The following GALNT2 variants were observed in gnomAD, a reference collection of about 807,000 sequenced individuals.
GALNT2 encodes polypeptide N-acetylgalactosaminyltransferase 2.
Under a neutral mutation model 81.4 loss-of-function variants are expected in GALNT2, and 31 were observed. The ratio of observed to expected loss-of-function variants is 0.38; its 90% CI spans 0.29 to 0.51. The LOEUF (loss-of-function observed/expected upper bound fraction) is 0.51. Among genes scored for constraint, GALNT2 ranks in the 20% least tolerant of loss-of-function variants. The pLI is 0.87. For missense variants in GALNT2, 629 were observed against 765.7 expected (o/e 0.82, Z 2.11); for synonymous variants, 303 against 287.4 (o/e 1.05, Z -0.55).
intron 1 of GALNT2, among the ~76,000 whole-genome samples, chr1:230,149,285 G>A (rs748105925): frequency 2.4e-4 from 37 of 152,138 alleles, no homozygotes; most frequent in Non-Finnish European, 3.5e-4. Context: ...TGGAGCGGGT[G>A]GGAGGACATT....
intron 14 of GALNT2, among the ~76,000 whole-genome samples, chr1:230,270,094 G>A (rs183560577): frequency 2.6e-5 from 4 of 152,166 alleles, no homozygotes; most frequent in South Asian, 2.1e-4. Flanking sequence ...CCAGCTACTC[G>A]GGGAGCTGAG....
rs573478928 is a variant in GALNT2, at chr1:230,100,310, CTTTTTTTTTTT to C, written c.126+32920_126+32930del. Among the ~76,000 whole-genome samples the C allele has an allele frequency of 1.7e-4, 15 of 85,780 alleles. 1 individual carries two copies. Among genetic ancestry groups the C allele is most frequent in the Non-Finnish European group, 2.5e-4 (12 of 47,944 alleles). 56.3% of individuals were successfully genotyped at this position (85,780 alleles called of 152,430 possible). ...GGATGCCCAGGGTATCTTTTTATTCCTTTTTTTTTTTTTTTTTTTTTTTTTTGAGATGGAGT... is the reference window on the plus strand; with the variant it reads ...GGATGCCCAGGGTATCTTTTTATTCCTTTTTTTTTTTTTTTGAGATGGAGT... On this transcript the variant is annotated intron_variant, in intron 1 of 15. Transcript: ENST00000366672.
intron 1 of GALNT2, among the ~76,000 whole-genome samples, chr1:230,168,664 G>A (rs1397292995): frequency 6.6e-6 from 1 of 152,176 alleles, no homozygotes; most frequent in Non-Finnish European, 1.5e-5. Context: ...ATAGGATTAT[G>A]CGCACATTTT....
chr1:230,266,350 G>A (rs1666038100), intron 14 of GALNT2, among the ~76,000 whole-genome samples: 1 of 152,160 alleles, frequency 6.6e-6, no homozygotes, highest in Non-Finnish European at 1.5e-5. Context: ...TGGGTGAAAT[G>A]TGAGCTTCAT....
intron 1 of GALNT2, among the ~76,000 whole-genome samples, chr1:230,115,115 C>T (rs1660807545): frequency 6.6e-6 from 1 of 151,186 alleles, no homozygotes; most frequent in Non-Finnish European, 1.5e-5. Context: ...AAGCGATTCT[C>T]CTGCCTCAGC....
chr1:230,149,948 C>T (rs1262590815), intron 1 of GALNT2, among the ~76,000 whole-genome samples: 3 of 152,208 alleles, frequency 2.0e-5, no homozygotes, highest in Non-Finnish European at 2.9e-5. Context: ...TGGGGTGCCT[C>T]TGAGGGCTTC....
chr1:230,096,458 C>T (rs1346689689), intron 1 of GALNT2, among the ~76,000 whole-genome samples: 1 of 152,166 alleles, frequency 6.6e-6, no homozygotes, highest in African/African-American at 2.4e-5. Flanking sequence ...GCGTCTCCCT[C>T]GTCCATCTCG....
chr1:230,158,866 C>T (rs1397300223), intron 1 of GALNT2, among the ~76,000 whole-genome samples: 8 of 152,202 alleles, frequency 5.3e-5, no homozygotes, highest in Admixed American at 3.9e-4. Context: ...CGTTTGCACA[C>T]GAGGTCGTGA....
At chr1:230,133,431 T>C (rs1171423604) in intron 1 of GALNT2, among the ~76,000 whole-genome samples, 1 of 151,500 alleles carries the variant, frequency 6.6e-6, no homozygotes, top group Non-Finnish European at 1.5e-5. Flanking sequence ...TTGACGTTTC[T>C]GTTTCGATTT....
chr1:230,086,866 G>A (rs577827334), intron 1 of GALNT2, among the ~76,000 whole-genome samples: 1 of 152,176 alleles, frequency 6.6e-6, no homozygotes, highest in Admixed American at 6.5e-5. Context: ...TCATGGAGTG[G>A]CTCAGGTGTC....
chr1:230,151,504 A>G (rs1662092672), intron 1 of GALNT2, among the ~76,000 whole-genome samples: 1 of 152,188 alleles, frequency 6.6e-6, no homozygotes, highest in South Asian at 2.1e-4. Flanking sequence ...TGAAGAAGCA[A>G]TGATTTTCTG....
chr1:230,061,216 GT>G (rs1659039195), intron 1 of GALNT2, among the ~76,000 whole-genome samples: 1 of 151,708 alleles, frequency 6.6e-6, no homozygotes, highest in Non-Finnish European at 1.5e-5. Flanking sequence ...GTGTGTGTGT[GT>G]GTGTGTGTCT....
Position 230,280,227 on chromosome 1 carries a change from C to G in GALNT2, c.*769C>G. The G allele has an allele frequency of 8.6e-6, 3 of 347,444 alleles. No homozygotes were observed. Among genetic ancestry groups the G allele is most frequent in the Non-Finnish European group, 1.1e-5 (2 of 176,148 alleles). 21.5% of individuals were successfully genotyped at this position (347,444 alleles called of 1,614,324 possible). On this transcript the variant is annotated 3_prime_UTR_variant, in exon 16 of 16. Transcript: ENST00000366672. ...AGGAGGTGGCCTTTGTCCCCTGGAG[C>G]CCGATCAGCCAGTTGGTGCTACTGC...
intron 1 of GALNT2, among the ~76,000 whole-genome samples, chr1:230,093,751 T>C (rs1331540773): frequency 6.6e-6 from 1 of 152,228 alleles, no homozygotes; most frequent in Non-Finnish European, 1.5e-5. Context: ...ACACAAATAC[T>C]ATTATGTTAT....
At chr1:230,185,289 TGTGTGTGTGTGTGCGC>T (rs1663292691) in intron 2 of GALNT2, among the ~76,000 whole-genome samples, 1 of 113,258 alleles carries the variant, frequency 8.8e-6, no homozygotes, top group African/African-American at 3.3e-5. Flanking sequence ...TGTGTGTGTG[TGTGTGTGTGTGTGCGC>T]GCGTGTGTGT....
chr1:230,214,276 C>T (rs1664321470), intron 3 of GALNT2, among the ~76,000 whole-genome samples: 1 of 152,102 alleles, frequency 6.6e-6, no homozygotes, highest in Non-Finnish European at 1.5e-5. Flanking sequence ...CCATACCTGG[C>T]CAATTTTGTA....
At position 230,281,459 on chromosome 1, in the gene GALNT2, G is replaced by C. The variant is rs1372638413; in HGVS notation, c.*2001G>C. 6.6e-6 allele frequency: 1 copy of C among 152,250 alleles called. No homozygotes were observed. The highest frequency in any genetic ancestry group is 6.5e-5 in the Admixed American group (1 of 15,284). The allele number at this position is 152,250 out of a possible 1,614,324, so 9.4% of individuals were successfully genotyped here. On this transcript the variant is annotated 3_prime_UTR_variant, in exon 16 of 16. Transcript: ENST00000366672. Reference sequence around the variant, plus strand: ...CAGAGCAGGGTGTGCGTAGCCCCCAGCACCCAGGTTCTTCTGTCAGACCCT... The same window carrying C: ...CAGAGCAGGGTGTGCGTAGCCCCCACCACCCAGGTTCTTCTGTCAGACCCT...
At chr1:230,162,567 T>C (rs1662468296) in intron 1 of GALNT2, among the ~76,000 whole-genome samples, 1 of 152,090 alleles carries the variant, frequency 6.6e-6, no homozygotes, top group Admixed American at 6.5e-5. Context: ...GAATCCCTCT[T>C]CCCTAAAACA....
intron 6 of GALNT2, among the ~76,000 whole-genome samples, chr1:230,237,761 C>A (rs1255808877): frequency 6.6e-6 from 1 of 152,036 alleles, no homozygotes; most frequent in Admixed American, 6.5e-5. Context: ...CAATTTGCTG[C>A]CCCCTAAACA....
Sources: gnomAD v4.1 joint callset for allele counts (sites outside exome capture counted in the v4.1 genomes callset) on GRCh38, gnomAD v4.1.1 for gene constraint, MANE v1.5 for transcripts, NCBI Gene and HGNC (gene_info 2026-07-23, HGNC 2026-07-21) for gene names.